CACNG5: variants seen among roughly 807,000 people sequenced by gnomAD.
The protein encoded by CACNG5 is voltage-dependent calcium channel gamma-5 subunit.
Under a neutral mutation model 24.8 loss-of-function variants are expected in CACNG5, and 18 were observed. The observed-to-expected ratio is 0.73, with a 90% CI of 0.50 to 1.08. CACNG5 has a LOEUF of 1.08. CACNG5 is among the 50% of genes least tolerant of loss of function. The pLI is 0.00. For synonymous variants in CACNG5, 157 were observed against 149.1 expected (o/e 1.05, Z -0.39); for missense variants, 349 against 367.9 (o/e 0.95, Z 0.42).
chr17:66,886,789 A>G lies in CACNG5; in HGVS notation c.*1549A>G, dbSNP rs1470501284. Among the ~76,000 whole-genome samples the G allele has an allele frequency of 6.6e-6, 1 of 152,156 alleles. No individual in the cohort carries two copies. The highest frequency in any genetic ancestry group is 1.5e-5 in the Non-Finnish European group (1 of 68,032). ...ACAGACTGAGTGGCTTAAATAACGCACATGAATTTTCCTACAGTTCTGGGT... is the reference window on the plus strand; with the variant it reads ...ACAGACTGAGTGGCTTAAATAACGCGCATGAATTTTCCTACAGTTCTGGGT... On this transcript the variant is annotated 3_prime_UTR_variant, in exon 6 of 6. Coordinates refer to ENST00000533854, the MANE Select transcript of CACNG5 (RefSeq NM_145811.3).
intron 1 of CACNG5, among the ~76,000 whole-genome samples, chr17:66,847,800 C>T (rs1434092582): frequency 6.6e-6 from 1 of 152,192 alleles, no homozygotes; most frequent in Non-Finnish European, 1.5e-5. Flanking sequence ...CCTTGCACCT[C>T]TTCATTGCAG....
intron 1 of CACNG5, among the ~76,000 whole-genome samples, chr17:66,835,650 G>T (rs1444860386): frequency 6.6e-6 from 1 of 152,204 alleles, no homozygotes; most frequent in Non-Finnish European, 1.5e-5. Flanking sequence ...CACCTGTTGA[G>T]CTGGGCTGTC....
chr17:66,842,374 T>C (rs1240485438), intron 1 of CACNG5, among the ~76,000 whole-genome samples: 1 of 152,092 alleles, frequency 6.6e-6, no homozygotes, highest in Non-Finnish European at 1.5e-5. Context: ...GGGTTTGTGG[T>C]TGTTGCAGAA....
chr17:66,845,472 A>AC (rs1309257831), intron 1 of CACNG5, among the ~76,000 whole-genome samples: 1 of 151,148 alleles, frequency 6.6e-6, no homozygotes, highest in Non-Finnish European at 1.5e-5. Context: ...AAAAAAAAAA[A>AC]ACAAAAAACT....
At chr17:66,880,467 G>A in intron 3 of CACNG5, 90 bp from the exon 4 acceptor site, 1 of 1,532,300 alleles carries the variant, frequency 6.5e-7, no homozygotes, top group Non-Finnish European at 8.9e-7. Context: ...GGACCAGTTG[G>A]TAGACACTGC....
At chr17:66,854,066 T>C (rs983339331) in intron 1 of CACNG5, among the ~76,000 whole-genome samples, 1 of 152,140 alleles carries the variant, frequency 6.6e-6, no homozygotes, top group Non-Finnish European at 1.5e-5. Context: ...GACCAACATA[T>C]GTAAATCAAT....
At position 66,888,992 on chromosome 17, in the gene CACNG5, G is replaced by A. The variant is rs984209301; in HGVS notation, c.*3752G>A. Among the ~76,000 whole-genome samples the A allele has an allele frequency of 2.0e-5, 3 of 152,208 alleles. No individual in the cohort carries two copies. In the South Asian group the frequency reaches 6.2e-4, roughly 31 times the overall value. On this transcript the variant is annotated 3_prime_UTR_variant, in exon 6 of 6. Coordinates refer to ENST00000533854, the MANE Select transcript of CACNG5 (RefSeq NM_145811.3). Reference sequence around the variant, plus strand: ...AAAATGGCAGTGCTTGTCCAAGATGGTGAAGCTCCTGCTCTGTCAGTGCAG... The same window carrying A: ...AAAATGGCAGTGCTTGTCCAAGATGATGAAGCTCCTGCTCTGTCAGTGCAG...
rs112408830 is a variant in CACNG5, at chr17:66,882,066, C to G, written c.424+1369C>G. Among the ~76,000 whole-genome samples the G allele has an allele frequency of 9.0e-3, 1,361 of 152,010 alleles. 32 individuals are homozygous for G. Among genetic ancestry groups the G allele is most frequent in the African/African-American group, 0.029 (1,211 of 41,428 alleles). ...AATGGAGGGAGGGAGGGAAGTAAGA[C>G]AGGAGGCAGGGAGACTAGGCAAGAG... On this transcript the variant is annotated intron_variant, in intron 4 of 5. Coordinates refer to ENST00000533854, the MANE Select transcript of CACNG5 (RefSeq NM_145811.3).
Position 66,888,786 on chromosome 17 carries a change from C to A in CACNG5, c.*3546C>A, listed in dbSNP as rs892152063. ...AGTCTCTGGTCAGAGAAGAGGTTATCTTGGGGCTGACATCTCTCTGGTTGG... is the reference window on the plus strand; with the variant it reads ...AGTCTCTGGTCAGAGAAGAGGTTATATTGGGGCTGACATCTCTCTGGTTGG... On this transcript the variant is annotated 3_prime_UTR_variant, in exon 6 of 6. Coordinates refer to ENST00000533854, the MANE Select transcript of CACNG5 (RefSeq NM_145811.3). 6.6e-6 allele frequency among the ~76,000 whole-genome samples: 1 copy of A among 151,668 alleles called. No individual in the cohort carries two copies. Among genetic ancestry groups the A allele is most frequent in the Non-Finnish European group, 1.5e-5 (1 of 67,962 alleles).
chr17:66,883,626 A>G (rs1977197775), intron 4 of CACNG5, among the ~76,000 whole-genome samples: 1 of 152,162 alleles, frequency 6.6e-6, no homozygotes, highest in African/African-American at 2.4e-5. Context: ...AAAGTTTGCC[A>G]AAATCTGGAC....
rs1281153041 is a variant in CACNG5, at chr17:66,893,345, CGTT to C, written c.*8106_*8108del. ...GTGTCGTTTCCTGAAAGCCTCTACA[CGTT>C]AATCCTGACTCCTTCTCTCCCATCT... On this transcript the variant is annotated 3_prime_UTR_variant, in exon 6 of 6. Coordinates refer to ENST00000533854, the MANE Select transcript of CACNG5 (RefSeq NM_145811.3). 7.9e-5 allele frequency among the ~76,000 whole-genome samples: 12 copies of C among 152,266 alleles called. No homozygotes were observed. The highest frequency in any genetic ancestry group is 2.9e-4 in the African/African-American group (12 of 41,562).
At chr17:66,848,701 T>C (rs1976670147) in intron 1 of CACNG5, among the ~76,000 whole-genome samples, 1 of 152,148 alleles carries the variant, frequency 6.6e-6, no homozygotes, top group Admixed American at 6.5e-5. Flanking sequence ...GCTCCCCTCC[T>C]TGGACCTTCT....
intron 1 of CACNG5, among the ~76,000 whole-genome samples, chr17:66,873,460 C>A (rs1201215048): frequency 1.3e-5 from 2 of 152,038 alleles, no homozygotes; most frequent in Non-Finnish European, 2.9e-5. Flanking sequence ...GATTAAGATC[C>A]AATCTCCTCT....
At chr17:66,835,505 G>C (rs1245654750) in intron 1 of CACNG5, among the ~76,000 whole-genome samples, 5 of 152,212 alleles carry the variant, frequency 3.3e-5, no homozygotes, top group East Asian at 1.9e-4. Flanking sequence ...CGGGGGAGAT[G>C]ATGACGCCCC....
Position 66,890,917 on chromosome 17 carries a change from A to G in CACNG5, c.*5677A>G, listed in dbSNP as rs1483137046. Among the ~76,000 whole-genome samples the G allele has an allele frequency of 1.3e-5, 2 of 152,174 alleles. No homozygotes were observed. Among genetic ancestry groups the G allele is most frequent in the Non-Finnish European group, 2.9e-5 (2 of 68,034 alleles). ...CACCCAGATGACAACACTCCAAAGA[A>G]TGTGGAATTTAGCTAAGAGATCAGA... On this transcript the variant is annotated 3_prime_UTR_variant, in exon 6 of 6. Transcript: ENST00000533854.
intron 1 of CACNG5, among the ~76,000 whole-genome samples, chr17:66,870,161 GGT>G (rs1976985244): frequency 6.6e-6 from 1 of 152,188 alleles, no homozygotes; most frequent in African/African-American, 2.4e-5. Context: ...TGATTTTGCG[GGT>G]GTGGAATTTG....
At chr17:66,839,543 C>A (rs577707523) in intron 1 of CACNG5, among the ~76,000 whole-genome samples, 1 of 151,824 alleles carries the variant, frequency 6.6e-6, no homozygotes, top group African/African-American at 2.4e-5. Flanking sequence ...TCGAAAGGAG[C>A]CCCAGGAAGG....
chr17:66,866,528 T>C (rs956902787), intron 1 of CACNG5, among the ~76,000 whole-genome samples: 15 of 152,338 alleles, frequency 9.8e-5, no homozygotes, highest in African/African-American at 3.1e-4. Context: ...ATGTGTGTCA[T>C]GGTGGTTTGC....
Position 66,839,769 on chromosome 17 carries a change from G to A in CACNG5, c.-104+4519G>A, listed in dbSNP as rs985202786. On this transcript the variant is annotated intron_variant, in intron 1 of 5. Coordinates refer to ENST00000533854, the MANE Select transcript of CACNG5 (RefSeq NM_145811.3). ...GGGCTGTGAGCTTTCTCTGTGAGTAGAAAGGGGAGGTCAGTGAGCATTCAC... is the reference window on the plus strand; with the variant it reads ...GGGCTGTGAGCTTTCTCTGTGAGTAAAAAGGGGAGGTCAGTGAGCATTCAC... 5.3e-5 allele frequency among the ~76,000 whole-genome samples: 8 copies of A among 152,238 alleles called. No individual in the cohort carries two copies. The South Asian group carries it at 1.7e-3, about 32-fold the overall frequency.
Sources: gnomAD v4.1 joint callset for allele counts (sites outside exome capture counted in the v4.1 genomes callset) on GRCh38, gnomAD v4.1.1 for gene constraint, MANE v1.5 for transcripts, NCBI Gene and HGNC (gene_info 2026-07-23, HGNC 2026-07-21) for gene names.